The following PTER variants were observed in gnomAD, a reference collection of about 807,000 sequenced individuals.
PTER encodes phosphotriesterase related, also known as N-acetyltaurine hydrolase.
PTER carries 38 observed loss-of-function variants against 29.6 expected under a neutral mutation model. The ratio of observed to expected loss-of-function variants is 1.28; its 90% CI spans 0.99 to 1.68. The LOEUF is 1.68. Ranked by LOEUF, PTER falls within the 40% of genes most tolerant of loss-of-function variation. The pLI is 0.00. For missense variants in PTER, 482 were observed against 427.8 expected, an observed-to-expected ratio of 1.13 and a Z score of -1.12; for synonymous variants, 172 against 154.5, an observed-to-expected ratio of 1.11 and a Z score of -0.84.
At chr10:16,480,034 G>T (rs561302498) in intron 1 of PTER, among the ~76,000 whole-genome samples, 1 of 135,492 alleles carries the variant, frequency 7.4e-6, no homozygotes, top group African/African-American at 2.7e-5. Flanking sequence ...TCACGGTCAT[G>T]GCAAAGACCG....
chr10:16,516,484 C>A (rs549115277), downstream of PTER, among the ~76,000 whole-genome samples: 1 of 152,178 alleles, frequency 6.6e-6, no homozygotes, highest in South Asian at 2.1e-4. Context: ...ACAAAATATT[C>A]ATGAGCTATA....
chr10:16,472,252 A>G (rs1472324080), intron 1 of PTER, among the ~76,000 whole-genome samples: 3 of 152,220 alleles, frequency 2.0e-5, no homozygotes, highest in Non-Finnish European at 4.4e-5. Flanking sequence ...TTATATAGAT[A>G]TTATTTTTAT....
At position 16,511,083 on chromosome 10, in the gene PTER, A is replaced by G; in HGVS notation, c.877A>G (p.Ile293Val). 1 of 1,614,010 alleles carries G rather than the reference A, an allele frequency of 6.2e-7. No homozygotes were observed. The highest frequency in any genetic ancestry group is 1.1e-5 in the South Asian group (1 of 91,056). Residue 293 changes from isoleucine to valine, a missense_variant, in exon 5 of 5, where the codon ATT becomes GTT. By Grantham distance (29) the Ile-to-Val change is conservative. Coordinates refer to ENST00000535784, the MANE Select transcript of PTER (RefSeq NM_001261836.2). ...GGTGGAAGAGGGCTGTGAAGATCGAATTCTGGTAGCACATGACATACATAC... is the reference window on the plus strand; with the variant it reads ...GGTGGAAGAGGGCTGTGAAGATCGAGTTCTGGTAGCACATGACATACATAC... ...LLVEEGCEDR[I>V]LVAHDIHTKT...
chr10:16,476,905 T>C lies in PTER; in HGVS notation c.-48-7432T>C, dbSNP rs574769930. 9.1e-4 allele frequency among the ~76,000 whole-genome samples: 105 copies of C among 115,434 alleles called. 2 individuals are homozygous for C. The highest frequency in any genetic ancestry group is 3.2e-3 in the African/African-American group (60 of 18,624). 75.7% of individuals were successfully genotyped at this position (115,434 alleles called of 152,430 possible). A position where few individuals can be genotyped will look rare whatever the true frequency, so the allele number is the denominator to read the frequency against. On this transcript the variant is annotated intron_variant, in intron 1 of 4. Transcript: ENST00000535784. The stretch of plus-strand genomic sequence containing the variant: ...CCACCCCTCCATCCTAGAATTCTTT[T>C]TTTTTTTTTTTTTTTTTTGAGACAG...
At chr10:16,473,825 G>C (rs1490375755) in intron 1 of PTER, among the ~76,000 whole-genome samples, 2 of 152,170 alleles carry the variant, frequency 1.3e-5, no homozygotes, top group African/African-American at 4.8e-5. Flanking sequence ...TCATGACTTA[G>C]TTTCCTCACT....
chr10:16,468,565 C>G (rs1444341238), intron 1 of PTER, among the ~76,000 whole-genome samples: 4 of 152,152 alleles, frequency 2.6e-5, no homozygotes, highest in Admixed American at 6.5e-5. Flanking sequence ...AACAAGCAAG[C>G]ATCTAGATGT....
chr10:16,514,672 C>A (rs2133535849), downstream of PTER: 1 of 1,613,822 alleles, frequency 6.2e-7, no homozygotes, highest in East Asian at 2.2e-5. Context: ...AGTCGTAATT[C>A]TGATCAGCAT....
At chr10:16,501,786 C>G (rs1836360007) in intron 3 of PTER, among the ~76,000 whole-genome samples, 1 of 152,204 alleles carries the variant, frequency 6.6e-6, no homozygotes, top group Admixed American at 6.5e-5. Context: ...TAAGTTCTAA[C>G]TTTGAGATGA....
chr10:16,487,101 T>A (rs1180671070), intron 3 of PTER, among the ~76,000 whole-genome samples: 1 of 152,248 alleles, frequency 6.6e-6, no homozygotes, highest in African/African-American at 2.4e-5. Flanking sequence ...TTGAATCATC[T>A]GAATTTTGGA....
At chr10:16,445,178 T>A (rs1833973235) in intron 1 of PTER, among the ~76,000 whole-genome samples, 1 of 152,196 alleles carries the variant, frequency 6.6e-6, no homozygotes, top group Admixed American at 6.5e-5. Context: ...AAGGGACACA[T>A]TAAATGAGGT....
intron 3 of PTER, among the ~76,000 whole-genome samples, chr10:16,489,225 G>A (rs1227665337): frequency 6.6e-6 from 1 of 152,056 alleles, no homozygotes; most frequent in African/African-American, 2.4e-5. Context: ...GGTTTATAAT[G>A]TTGAGAACTA....
At chr10:16,504,616 C>A (rs1396494570) in intron 3 of PTER, among the ~76,000 whole-genome samples, 1 of 152,140 alleles carries the variant, frequency 6.6e-6, no homozygotes, top group Non-Finnish European at 1.5e-5. Context: ...GACCTGAGGC[C>A]AGATTTCCTT....
At chr10:16,483,769 C>T (rs574405358) in intron 1 of PTER, among the ~76,000 whole-genome samples, 1 of 152,144 alleles carries the variant, frequency 6.6e-6, no homozygotes, top group East Asian at 1.9e-4. Flanking sequence ...TCCCTTGAAC[C>T]CAGGAGGCGG....
chr10:16,473,519 GA>G (rs72001271), intron 1 of PTER, among the ~76,000 whole-genome samples: 1,513 of 28,132 alleles, frequency 0.054, 9 homozygotes, highest in African/African-American at 0.095. Context: ...GACTCCATCC[GA>G]AAAAAAAAAA....
chr10:16,455,019 A>G (rs2133380137), intron 1 of PTER, among the ~76,000 whole-genome samples: 1 of 152,288 alleles, frequency 6.6e-6, no homozygotes, highest in South Asian at 2.1e-4. Flanking sequence ...ACTTAAGCCC[A>G]GGAGTTGAAG....
At chr10:16,508,907 T>C (rs1836703222) in intron 4 of PTER, among the ~76,000 whole-genome samples, 1 of 152,208 alleles carries the variant, frequency 6.6e-6, no homozygotes, top group Non-Finnish European at 1.5e-5. Flanking sequence ...TGAGCCATCG[T>C]AGTCTTAAAC....
At chr10:16,483,566 G>A (rs995107752) in intron 1 of PTER, among the ~76,000 whole-genome samples, 4 of 152,134 alleles carry the variant, frequency 2.6e-5, no homozygotes, top group African/African-American at 4.8e-5. Flanking sequence ...GATCAGTTGT[G>A]GCCACGAGTG....
intron 4 of PTER, among the ~76,000 whole-genome samples, chr10:16,509,396 A>G (rs1836723693): frequency 6.6e-6 from 1 of 152,184 alleles, no homozygotes; most frequent in Admixed American, 6.5e-5. Flanking sequence ...TCATGATTTG[A>G]TAACATTGTG....
intron 1 of PTER, among the ~76,000 whole-genome samples, chr10:16,468,216 C>T (rs1834915116): frequency 6.6e-6 from 1 of 152,110 alleles, no homozygotes; most frequent in Non-Finnish European, 1.5e-5. Flanking sequence ...GTGGCAGACA[C>T]CTGTAATCCT....
Sources: allele counts gnomAD v4.1 joint callset (sites outside exome capture counted in the v4.1 genomes callset), GRCh38; gene constraint gnomAD v4.1.1; transcripts MANE v1.5; gene names NCBI Gene and HGNC (gene_info 2026-07-23, HGNC 2026-07-21).